SFXN5: variants seen among roughly 807,000 people sequenced by gnomAD.
SFXN5 encodes the protein sideroflexin-5.
SFXN5 carries 43 observed loss-of-function variants against 50.2 expected under a neutral mutation model. The ratio of observed to expected loss-of-function variants is 0.86; its 90% CI spans 0.67 to 1.11. The LOEUF is 1.11. Ranked by LOEUF, SFXN5 falls within the 50% of genes least tolerant of loss-of-function variation. The pLI, the probability that SFXN5 is intolerant of heterozygous loss-of-function variation, is 0.00. For missense variants in SFXN5, 463 were observed against 454.1 expected (o/e 1.02, Z -0.18); for synonymous variants, 203 against 185.8 (o/e 1.09, Z -0.75).
chr2:72,949,209 G>A (rs1169243065), intron 13 of SFXN5, among the ~76,000 whole-genome samples: 2 of 152,202 alleles, frequency 1.3e-5, no homozygotes, highest in East Asian at 1.9e-4. Flanking sequence ...GGAAATGGAG[G>A]TGTGGCTGGG....
intron 3 of SFXN5, among the ~76,000 whole-genome samples, chr2:73,026,126 C>CTTGTTTTT (rs1677515129): frequency 7.5e-6 from 1 of 133,694 alleles, no homozygotes. Context: ...TGTGTGGCTG[C>CTTGTTTTT]TTTTTTTTTT....
chr2:73,061,283 A>AG (rs1352564238), intron 1 of SFXN5, among the ~76,000 whole-genome samples: 3 of 150,044 alleles, frequency 2.0e-5, no homozygotes, highest in Non-Finnish European at 3.0e-5. Flanking sequence ...ACTGCAGCCT[A>AG]GGCGACAGAG....
intron 12 of SFXN5, among the ~76,000 whole-genome samples, chr2:72,963,456 G>GT (rs1178147837): frequency 6.6e-6 from 1 of 151,932 alleles, no homozygotes; most frequent in African/African-American, 2.4e-5. Context: ...TCAGGAAGGA[G>GT]TCAGGCCTGA....
At chr2:73,071,389 G>A in intron 1 of SFXN5, 2 of 544,524 alleles carry the variant, frequency 3.7e-6, no homozygotes, top group Non-Finnish European at 3.2e-6. Context: ...GAGTGACGGC[G>A]CCAAGGGCCA....
chr2:73,003,193 A>G (rs547753824), intron 6 of SFXN5, among the ~76,000 whole-genome samples: 167 of 152,252 alleles, frequency 1.1e-3, no homozygotes, highest in African/African-American at 3.6e-3. Context: ...GTGTACACGT[A>G]TGCATGCCTG....
At chr2:73,001,248 C>A (rs1673872052) in intron 7 of SFXN5, among the ~76,000 whole-genome samples, 1 of 152,242 alleles carries the variant, frequency 6.6e-6, no homozygotes, top group Admixed American at 6.5e-5. Flanking sequence ...CACTGACAAG[C>A]CAGCATGTTC....
At chr2:73,056,274 T>C (rs548548863) in intron 2 of SFXN5, among the ~76,000 whole-genome samples, 12 of 152,170 alleles carry the variant, frequency 7.9e-5, no homozygotes, top group African/African-American at 2.6e-4. Context: ...CCCAGCTAAT[T>C]TGGAGGCTGA....
At chr2:73,013,361 A>T (rs575316371) in intron 6 of SFXN5, among the ~76,000 whole-genome samples, 13 of 152,048 alleles carry the variant, frequency 8.5e-5, no homozygotes, top group African/African-American at 3.1e-4. Context: ...TAAAAAAATT[A>T]AGAGAAAATT....
intron 10 of SFXN5, among the ~76,000 whole-genome samples, chr2:72,982,081 C>T (rs1671376172): frequency 6.6e-6 from 1 of 152,014 alleles, no homozygotes; most frequent in Non-Finnish European, 1.5e-5. Flanking sequence ...CTGATTGGGG[C>T]AGGAGGAACA....
intron 12 of SFXN5, among the ~76,000 whole-genome samples, chr2:72,967,786 G>A (rs536390264): frequency 2.8e-4 from 43 of 152,172 alleles, no homozygotes; most frequent in East Asian, 7.7e-4. Context: ...CCCAGGGCCC[G>A]CCCTCTCTGC....
At chr2:73,056,839 A>G (rs1463131550) in intron 2 of SFXN5, among the ~76,000 whole-genome samples, 1 of 152,234 alleles carries the variant, frequency 6.6e-6, no homozygotes, top group Non-Finnish European at 1.5e-5. Flanking sequence ...GGAAATGTAA[A>G]ATGTACAACG....
At position 72,992,500 on chromosome 2, in the gene SFXN5, C is replaced by T. The variant is rs1445218038; in HGVS notation, c.535-4152G>A. ...AAGGGCTCTAGGCACTCCAGCTTCT[C>T]GCACCCCAAATGAAGGTTGTCTCGT... On this transcript the variant is annotated intron_variant, in intron 9 of 13. Transcript: ENST00000272433. This position sits in a 1 kb window ranked among gnomAD's most constrained non-coding sequence, Gnocchi z 4.5. Among the ~76,000 whole-genome samples the T allele has an allele frequency of 1.3e-5, 2 of 152,186 alleles. No individual in the cohort carries two copies. Among genetic ancestry groups the T allele is most frequent in the Admixed American group, 6.5e-5 (1 of 15,278 alleles).
intron 6 of SFXN5, among the ~76,000 whole-genome samples, chr2:73,013,322 T>C (rs1394230365): frequency 1.3e-5 from 2 of 151,940 alleles, no homozygotes; most frequent in African/African-American, 2.4e-5. Context: ...CAATGATATA[T>C]AATGCAAGTC....
intron 1 of SFXN5, chr2:73,059,534 C>T: frequency 1.0e-6 from 1 of 985,232 alleles, no homozygotes. Flanking sequence ...CTTTCCCTTC[C>T]CAATAAGGAC....
chr2:73,051,449 G>C (rs187592441), intron 2 of SFXN5, among the ~76,000 whole-genome samples: 2 of 151,900 alleles, frequency 1.3e-5, no homozygotes, highest in Admixed American at 6.6e-5. Context: ...GTAGAGACAG[G>C]GTTTCACCAT....
chr2:73,037,009 G>C (rs73945734), intron 3 of SFXN5, among the ~76,000 whole-genome samples: 9,193 of 152,308 alleles, frequency 0.06, 331 homozygotes, highest in East Asian at 0.14. Flanking sequence ...CCAGGGCCCT[G>C]CACAGGGGCA....
At chr2:73,046,072 C>G (rs1229420111) in intron 2 of SFXN5, among the ~76,000 whole-genome samples, 1 of 126,650 alleles carries the variant, frequency 7.9e-6, no homozygotes, top group African/African-American at 4.1e-5. Context: ...TGGCTACCCT[C>G]CTCTTGGAAT....
Position 73,001,589 on chromosome 2 carries a change from G to A in SFXN5, c.358-11C>T, listed in dbSNP as rs1051355897. 7.4e-6 allele frequency: 12 copies of A among 1,613,922 alleles called. No individual in the cohort carries two copies. The Admixed American group carries it at 2.0e-4, about 27-fold the overall frequency. ...GAGAAGACCGACTACCTATGAGCAA[G>A]AGAGAAGAAATGCTGAAAAAGGCAG... On this transcript the variant is annotated splice_polypyrimidine_tract_variant and intron_variant, in intron 6 of 13. Coordinates refer to ENST00000272433, the MANE Select transcript of SFXN5 (RefSeq NM_144579.3).
chr2:73,001,706 T>C (rs1188044156), intron 6 of SFXN5, 128 bp from the exon 7 acceptor site: 3 of 896,558 alleles, frequency 3.3e-6, no homozygotes, highest in African/African-American at 1.6e-5. Context: ...GCCGTGTACA[T>C]ACAAACTGAG....
Sources: allele counts gnomAD v4.1 joint callset (sites outside exome capture counted in the v4.1 genomes callset), GRCh38; gene constraint gnomAD v4.1.1; non-coding constraint Gnocchi (gnomAD v3.1); transcripts MANE v1.5; gene names NCBI Gene and HGNC (gene_info 2026-07-23, HGNC 2026-07-21).